The following FLNB variants were observed in gnomAD, a reference collection of about 807,000 sequenced individuals.
FLNB encodes filamin-B.
Under a neutral mutation model 250.6 loss-of-function variants are expected in FLNB, and 111 were observed. The observed-to-expected ratio is 0.44, with a 90% CI of 0.38 to 0.52. The LOEUF (loss-of-function observed/expected upper bound fraction) is 0.52, where lower values mean the gene tolerates loss of function less well. Among genes scored for constraint, FLNB ranks in the 20% least tolerant of loss-of-function variants. The pLI, the probability that FLNB is intolerant of heterozygous loss-of-function variation, is 0.00. For missense variants in FLNB, 2,869 were observed against 3,447.8 expected (o/e 0.83, Z 4.20); for synonymous variants, 1,302 against 1,372.1 (o/e 0.95, Z 1.13).
chr3:58,072,599 G>A (rs553930603), intron 1 of FLNB, among the ~76,000 whole-genome samples: 2 of 152,254 alleles, frequency 1.3e-5, no homozygotes, highest in Admixed American at 6.5e-5. Context: ...GGAGGTCTTT[G>A]GGCAAGTCGC....
Position 58,169,830 on chromosome 3 carries a change from A to ACAGGGGGGGGGGGGGGCT in FLNB, c.7621+37_7621+38insCAGGGGGGGGGGGGGGCT. 2 of 672,046 alleles carry ACAGGGGGGGGGGGGGGCT rather than the reference A, an allele frequency of 3.0e-6. No individual in the cohort carries two copies. The highest frequency in any genetic ancestry group is 5.4e-6 in the Non-Finnish European group (2 of 370,014). The allele number at this position is 672,046 out of a possible 1,614,324, so 41.6% of individuals were successfully genotyped here. ...GGCCTTTTCAAGGGTGGGGTGGGGC[A>ACAGGGGGGGGGGGGGGCT]GGGGCAGGCTGGGCACCCTGGGTAC... On this transcript the variant is annotated intron_variant, in intron 45 of 45. Coordinates refer to ENST00000295956, the MANE Select transcript of FLNB (RefSeq NM_001457.4). The surrounding 1 kb of genome is among the most constrained non-coding windows in gnomAD (Gnocchi z 4.8).
At position 58,168,487 on chromosome 3, in the gene FLNB, A is replaced by C. The variant is rs763598218; in HGVS notation, c.7246A>C (p.Thr2416Pro). 5.0e-6 allele frequency: 8 copies of C among 1,614,108 alleles called. 1 individual carries two copies. In the South Asian group the frequency reaches 5.5e-5, roughly 11 times the overall value. ...TAACACCACCCGAGCAGGTCCAGGG[A>C]CATTATCCGTCACCATCGAAGGCCC... ...FINTTRAGPGTLSVTIEGPSK... is the reference protein window; with the variant it reads ...FINTTRAGPGPLSVTIEGPSK... Residue 2416 changes from threonine to proline, a missense_variant, in exon 44 of 46, where the codon ACA becomes CCA. Transcript: ENST00000295956.
At chr3:58,126,816 G>C (rs2097298748) in intron 24 of FLNB, 54 bp downstream of exon 24, 2 of 1,560,442 alleles carry the variant, frequency 1.3e-6, no homozygotes. Flanking sequence ...GCAGGAAAAT[G>C]GGTTTGATTT....
At chr3:58,090,339 T>G (rs942463078) in intron 4 of FLNB, among the ~76,000 whole-genome samples, 26 of 152,134 alleles carry the variant, frequency 1.7e-4, no homozygotes, top group African/African-American at 6.0e-4. Context: ...AGGACTTGCT[T>G]GAGGCTGCTT....
chr3:58,102,157 G>T, intron 8 of FLNB, 46 bp from the exon 9 acceptor site: 1 of 1,613,074 alleles, frequency 6.2e-7, no homozygotes, highest in South Asian at 1.1e-5. Flanking sequence ...TCACGACTCT[G>T]ACTAAAGAAT....
chr3:58,045,872 C>T (rs1013153258), intron 1 of FLNB, among the ~76,000 whole-genome samples: 5 of 151,790 alleles, frequency 3.3e-5, no homozygotes, highest in Admixed American at 6.6e-5. Context: ...TGGTAGTGTA[C>T]GCCTGTAGTC....
At chr3:58,066,544 C>T (rs1287799166) in intron 1 of FLNB, among the ~76,000 whole-genome samples, 1 of 152,178 alleles carries the variant, frequency 6.6e-6, no homozygotes, top group Non-Finnish European at 1.5e-5. Flanking sequence ...TTCGACCTTT[C>T]TAACAAGAGG....
intron 20 of FLNB, among the ~76,000 whole-genome samples, chr3:58,122,470 G>A (rs1181359386): frequency 6.7e-6 from 1 of 150,166 alleles, no homozygotes; most frequent in Non-Finnish European, 1.5e-5. Context: ...TCCAGCCTGG[G>A]CAACAGAGTG....
At chr3:58,111,595 G>T (rs979222711) in intron 16 of FLNB, among the ~76,000 whole-genome samples, 196 bp from the exon 17 acceptor site, 1 of 152,184 alleles carries the variant, frequency 6.6e-6, no homozygotes, top group African/African-American at 2.4e-5. Context: ...ATTAGAGAGT[G>T]ACCTGTTATA....
chr3:58,110,197 G>A (rs758244732), intron 16 of FLNB, 27 bp downstream of exon 16: 1 of 1,612,902 alleles, frequency 6.2e-7, no homozygotes, highest in Non-Finnish European at 8.5e-7. Context: ...GGGAGGAGAT[G>A]GGTGGAGTAG....
At chr3:58,034,926 C>A (rs1460166130) in intron 1 of FLNB, among the ~76,000 whole-genome samples, 1 of 152,170 alleles carries the variant, frequency 6.6e-6, no homozygotes, top group Non-Finnish European at 1.5e-5. Flanking sequence ...TGTGATTGGA[C>A]CAGCCTATGT....
intron 34 of FLNB, among the ~76,000 whole-genome samples, chr3:58,147,497 G>A (rs2097337627): frequency 6.6e-6 from 1 of 152,164 alleles, no homozygotes; most frequent in Non-Finnish European, 1.5e-5. Flanking sequence ...GCTTTCAGTG[G>A]GTTATAAGGA....
At chr3:58,030,118 G>A (rs955600423) in intron 1 of FLNB, among the ~76,000 whole-genome samples, 1 of 152,180 alleles carries the variant, frequency 6.6e-6, no homozygotes, top group Admixed American at 6.5e-5. Context: ...AGCTTTGTTA[G>A]AACATGCTAA....
At position 58,096,218 on chromosome 3, in the gene FLNB, A is replaced by T; in HGVS notation, c.984A>T (p.Lys328Asn). ...EYLPKVTGLH[K>N]VTVLFAGQHI... ...TGCCCAAGGTCACCGGGCTACACAA[A>T]GTAAGATGAAGCAGCATGGCTGTGG... The change falls in exon 6 of 46, where the codon AAA (lysine) becomes AAT (asparagine). Residue 328 changes from lysine to asparagine, a missense_variant and splice_region_variant. Physicochemically the swap from Lys to Asn is moderately conservative, Grantham distance 94 (BLOSUM62 0). Coordinates refer to ENST00000295956, the MANE Select transcript of FLNB (RefSeq NM_001457.4). 6.2e-7 allele frequency: 1 copy of T among 1,611,768 alleles called. No individual in the cohort carries two copies. Among genetic ancestry groups the T allele is most frequent in the East Asian group, 2.2e-5 (1 of 44,872 alleles).
intron 41 of FLNB, among the ~76,000 whole-genome samples, chr3:58,159,053 T>G (rs893046908): frequency 6.6e-6 from 1 of 151,932 alleles, no homozygotes; most frequent in African/African-American, 2.4e-5. Flanking sequence ...TCCAGCTGAT[T>G]CTTAACTGCT....
chr3:58,119,936 T>G (rs1311274575), intron 19 of FLNB, among the ~76,000 whole-genome samples: 1 of 152,226 alleles, frequency 6.6e-6, no homozygotes, highest in Non-Finnish European at 1.5e-5. Context: ...CGGGAATCAT[T>G]CACTCCTACA....
chr3:58,048,319 T>TCTTG (rs2097157216), intron 1 of FLNB, among the ~76,000 whole-genome samples: 1 of 151,990 alleles, frequency 6.6e-6, no homozygotes, highest in Admixed American at 6.6e-5. Flanking sequence ...CTTGGGAGGG[T>TCTTG]CTTGGTAAAA....
chr3:58,021,392 G>A (rs888081581), intron 1 of FLNB, among the ~76,000 whole-genome samples: 45 of 152,272 alleles, frequency 3.0e-4, no homozygotes, highest in African/African-American at 9.9e-4. Flanking sequence ...GGCAGGGAGG[G>A]GTACCTGCTG....
Position 58,098,924 on chromosome 3 carries a change from C to A in FLNB, c.1345+16C>A, listed in dbSNP as rs773581431. ...GTTGGGGAAGGTGAGTGCTGGGCTG[C>A]TGGCCACATGTGCTTCTCATAGGGA... On this transcript the variant is annotated intron_variant, in intron 8 of 45. Transcript: ENST00000295956. 3.1e-6 allele frequency: 5 copies of A among 1,610,122 alleles called. No homozygotes were observed. The South Asian group carries it at 5.5e-5, about 18-fold the overall frequency.
Sources: gnomAD v4.1 joint callset for allele counts (sites outside exome capture counted in the v4.1 genomes callset) on GRCh38, gnomAD v4.1.1 for gene constraint, Gnocchi (gnomAD v3.1) non-coding constraint, MANE v1.5 for transcripts, NCBI Gene and HGNC (gene_info 2026-07-23, HGNC 2026-07-21) for gene names.